Variants in SPIDR observed in about 807,000 individuals in gnomAD.
The protein encoded by SPIDR is scaffold protein involved in DNA repair.
A neutral mutation model predicts 104.6 loss-of-function variants in SPIDR; 93 were observed. That is an observed-to-expected ratio of 0.89 (90% confidence interval 0.75 to 1.06). SPIDR has a LOEUF of 1.06. SPIDR is among the 50% of genes least tolerant of loss of function. The pLI, the probability that SPIDR is intolerant of heterozygous loss-of-function variation, is 0.00. For synonymous variants in SPIDR, 431 were observed against 416.9 expected, an observed-to-expected ratio of 1.03 and a Z score of -0.41; for missense variants, 1,154 against 1,111.2, an observed-to-expected ratio of 1.04 and a Z score of -0.55.
intron 11 of SPIDR, among the ~76,000 whole-genome samples, chr8:47,685,521 T>TTTA (rs1563539829): frequency 4.7e-5 from 6 of 128,980 alleles, no homozygotes; most frequent in African/African-American, 9.9e-5. Context: ...TTATTTATTT[T>TTTA]TTTGAGACAG....
At chr8:47,703,558 T>A (rs908846883) in intron 14 of SPIDR, among the ~76,000 whole-genome samples, 6 of 152,252 alleles carry the variant, frequency 3.9e-5, no homozygotes, top group South Asian at 2.1e-4. Flanking sequence ...AGCAGCCATG[T>A]TGTCATTCAC....
intron 8 of SPIDR, among the ~76,000 whole-genome samples, chr8:47,549,303 T>A (rs571929878): frequency 6.6e-6 from 1 of 152,328 alleles, no homozygotes; most frequent in South Asian, 2.1e-4. Context: ...GCTCGTTGGG[T>A]CAAATGGTAT....
At position 47,396,567 on chromosome 8, in the gene SPIDR, G is replaced by A. The variant is rs1554658728; in HGVS notation, c.717G>A (p.Gln239=). Residue 239 remains glutamine, a synonymous_variant, in exon 6 of 20, where the codon CAG becomes CAA. Coordinates refer to ENST00000297423, the MANE Select transcript of SPIDR (RefSeq NM_001080394.4). ...CAGAGACCATTTTGCATACACCTCAGAAACCCACAGCTAAGTTTCCCAGGA... is the reference window on the plus strand; with the variant it reads ...CAGAGACCATTTTGCATACACCTCAAAAACCCACAGCTAAGTTTCCCAGGA... The part of the protein sequence containing the change: ...KSTETILHTP[Q]KPTAKFPRTP... The A allele has an allele frequency of 6.2e-7, 1 of 1,614,096 alleles. No individual in the cohort carries two copies. Among genetic ancestry groups the A allele is most frequent in the South Asian group, 1.1e-5 (1 of 91,076 alleles).
chr8:47,456,037 A>G (rs1554709582), intron 8 of SPIDR, among the ~76,000 whole-genome samples: 1 of 152,182 alleles, frequency 6.6e-6, no homozygotes, highest in African/African-American at 2.4e-5. Context: ...TCAAAAATAT[A>G]ATACCCATTC....
intron 8 of SPIDR, among the ~76,000 whole-genome samples, chr8:47,475,141 A>T (rs187158564): frequency 1.3e-5 from 2 of 152,202 alleles, no homozygotes; most frequent in Non-Finnish European, 2.9e-5. Context: ...TATTTGTACC[A>T]CTTGAAACAG....
chr8:47,485,595 C>A (rs1194090422), intron 8 of SPIDR, among the ~76,000 whole-genome samples: 2 of 152,242 alleles, frequency 1.3e-5, no homozygotes, highest in African/African-American at 4.8e-5. Context: ...AACTGGGAGG[C>A]ACCCCCCAGT....
intron 3 of SPIDR, among the ~76,000 whole-genome samples, chr8:47,290,023 T>C (rs2039607965): frequency 6.6e-6 from 1 of 152,130 alleles, no homozygotes; most frequent in Non-Finnish European, 1.5e-5. Context: ...ACATAGTGAT[T>C]TTATTTATAT....
intron 8 of SPIDR, among the ~76,000 whole-genome samples, chr8:47,560,847 A>G (rs2056972536): frequency 6.6e-6 from 1 of 152,070 alleles, no homozygotes; most frequent in African/African-American, 2.4e-5. Flanking sequence ...TTTTCCTCCA[A>G]AGACATACAC....
chr8:47,378,073 ATAACT>A (rs1195290620), intron 5 of SPIDR, among the ~76,000 whole-genome samples: 2 of 152,212 alleles, frequency 1.3e-5, no homozygotes, highest in Non-Finnish European at 2.9e-5. Context: ...GTTTGAATTC[ATAACT>A]TAAACCAAGT....
At chr8:47,658,466 G>A (rs1025785258) in intron 10 of SPIDR, among the ~76,000 whole-genome samples, 7 of 151,882 alleles carry the variant, frequency 4.6e-5, no homozygotes, top group African/African-American at 1.7e-4. Flanking sequence ...ACAAATCAAA[G>A]TCCAGACTGG....
At chr8:47,271,749 T>A (rs2035367009) in intron 1 of SPIDR, among the ~76,000 whole-genome samples, 1 of 152,132 alleles carries the variant, frequency 6.6e-6, no homozygotes, top group Non-Finnish European at 1.5e-5. Flanking sequence ...TGACTACATT[T>A]TTTCCTTATC....
At chr8:47,672,905 G>A (rs1300134569) in intron 10 of SPIDR, among the ~76,000 whole-genome samples, 1 of 152,188 alleles carries the variant, frequency 6.6e-6, no homozygotes, top group Non-Finnish European at 1.5e-5. Context: ...GGCCCTGTGG[G>A]CCTGGAAGAC....
At chr8:47,683,409 T>C (rs2077339276) in intron 11 of SPIDR, among the ~76,000 whole-genome samples, 3 of 152,182 alleles carry the variant, frequency 2.0e-5, no homozygotes, top group South Asian at 4.1e-4. Flanking sequence ...ATCTTCTTTG[T>C]TCAGCAGGGG....
rs1187585123 is a variant in SPIDR at position 47,375,641 on chromosome 8, T to C, written c.526-20735T>C. Among the ~76,000 whole-genome samples, 3 of 152,154 alleles carry C rather than the reference T, an allele frequency of 2.0e-5. No individual in the cohort carries two copies. The East Asian group carries it at 5.8e-4, about 29-fold the overall frequency. ...CATGTTCTCAAGCTACTAGAAAAAT[T>C]TTTTTAAAGAGGCAGTGTCTGGCTG... On this transcript the variant is annotated intron_variant, in intron 5 of 19. Transcript: ENST00000297423.
chr8:47,383,639 A>G (rs2059571520), intron 5 of SPIDR, among the ~76,000 whole-genome samples: 1 of 152,168 alleles, frequency 6.6e-6, no homozygotes, highest in Non-Finnish European at 1.5e-5. Context: ...TTCTAAGAAA[A>G]TAGATTTAGA....
intron 8 of SPIDR, among the ~76,000 whole-genome samples, chr8:47,522,346 T>G (rs934463354): frequency 6.6e-6 from 1 of 152,182 alleles, no homozygotes; most frequent in African/African-American, 2.4e-5. Context: ...GTATTTTGTA[T>G]TTACCCACAT....
At chr8:47,702,137 G>C in intron 14 of SPIDR, 122 bp downstream of exon 14, 1 of 981,872 alleles carries the variant, frequency 1.0e-6, no homozygotes. Context: ...ACACACACAC[G>C]GTGTTAGAGG....
chr8:47,644,819 G>A (rs911484358), intron 10 of SPIDR, among the ~76,000 whole-genome samples: 2 of 152,208 alleles, frequency 1.3e-5, no homozygotes, highest in African/African-American at 2.4e-5. Context: ...TGAGCAGTGA[G>A]GGGAAGCTGA....
At chr8:47,684,180 C>G (rs1339981475) in intron 11 of SPIDR, among the ~76,000 whole-genome samples, 1 of 149,172 alleles carries the variant, frequency 6.7e-6, no homozygotes, top group East Asian at 2.0e-4. Flanking sequence ...AAATCTGAAC[C>G]TAACAAACTG....
Sources: allele counts gnomAD v4.1 joint callset (sites outside exome capture counted in the v4.1 genomes callset), GRCh38; gene constraint gnomAD v4.1.1; transcripts MANE v1.5; gene names NCBI Gene and HGNC (gene_info 2026-07-23, HGNC 2026-07-21).